SH3YL1: variants seen among roughly 807,000 people sequenced by gnomAD.
The protein encoded by SH3YL1 is SH3 domain-containing YSC84-like protein 1.
SH3YL1 carries 41 observed loss-of-function variants against 45.8 expected under a neutral mutation model. The ratio of observed to expected loss-of-function variants is 0.89; its 90% CI spans 0.70 to 1.16. SH3YL1 has a LOEUF of 1.16. Among genes scored for constraint, SH3YL1 ranks in the 50% most tolerant of loss-of-function variants. SH3YL1 has a pLI of 0.00. For missense variants in SH3YL1, 389 were observed against 409.6 expected, an observed-to-expected ratio of 0.95 and a Z score of 0.43; for synonymous variants, 152 against 151.4, an observed-to-expected ratio of 1.00 and a Z score of -0.03.
At chr2:264,160 G>A (rs1669737547), upstream of SH3YL1, 6 of 954,524 alleles carry the variant, frequency 6.3e-6, no homozygotes, top group Non-Finnish European at 8.6e-6. Flanking sequence ...CGCGCCCGCC[G>A]GGCCGCGCTC....
intron 4 of SH3YL1, chr2:242,966 A>G (rs993305164): frequency 1.1e-5 from 8 of 759,376 alleles, no homozygotes; most frequent in Middle Eastern, 2.7e-4. Flanking sequence ...TAACAATTAT[A>G]AACATAGTAA....
rs75904058 is a variant in SH3YL1, at chr2:225,258, C to T, written c.782-338G>A. Among the ~76,000 whole-genome samples the T allele has an allele frequency of 7.7e-3, 1,180 of 152,342 alleles. 7 individuals are homozygous for T. Among genetic ancestry groups the T allele is most frequent in the Non-Finnish European group, 0.013 (888 of 68,024 alleles). On this transcript the variant is annotated intron_variant, in intron 8 of 9. Transcript: ENST00000356150. Reference sequence around the variant, plus strand: ...AATCACTGATTCATGGAAGGATTTACACTGCATAAGAGCCATTCACTAACT... The same window carrying T: ...AATCACTGATTCATGGAAGGATTTATACTGCATAAGAGCCATTCACTAACT...
chr2:258,421 G>A (rs1229076026), intron 1 of SH3YL1, among the ~76,000 whole-genome samples: 2 of 152,170 alleles, frequency 1.3e-5, no homozygotes, highest in Admixed American at 6.5e-5. Flanking sequence ...TAAAATAGGT[G>A]TTTTAAATTG....
intron 1 of SH3YL1, among the ~76,000 whole-genome samples, chr2:255,330 G>T (rs926366261): frequency 3.3e-5 from 5 of 152,148 alleles, no homozygotes; most frequent in African/African-American, 1.2e-4. Context: ...AGTGAAAACT[G>T]GCTGGGTACT....
intron 6 of SH3YL1, 128 bp downstream of exon 6, chr2:232,973 G>A: frequency 1.5e-6 from 1 of 666,600 alleles, no homozygotes. Flanking sequence ...ATTTTTAAAT[G>A]TAAGATACAC....
At chr2:258,643 G>C (rs1302515830) in intron 1 of SH3YL1, among the ~76,000 whole-genome samples, 1 of 152,122 alleles carries the variant, frequency 6.6e-6, no homozygotes, top group Non-Finnish European at 1.5e-5. Flanking sequence ...TTGGCTTGTT[G>C]TTGTGTTCTG....
chr2:243,135 C>G (rs1318267442), intron 4 of SH3YL1, among the ~76,000 whole-genome samples: 1 of 152,082 alleles, frequency 6.6e-6, no homozygotes, highest in African/African-American at 2.4e-5. Context: ...ATAAGATTAT[C>G]AAGGATATGG....
At chr2:242,830 T>G (rs1163509145) in intron 4 of SH3YL1, 1 of 1,533,494 alleles carries the variant, frequency 6.5e-7, no homozygotes, top group Non-Finnish European at 8.8e-7. Flanking sequence ...TGGAGAAAGA[T>G]GTGTCATGCA....
At chr2:249,363 C>T (rs1209799131) in intron 3 of SH3YL1, among the ~76,000 whole-genome samples, 2 of 152,102 alleles carry the variant, frequency 1.3e-5, no homozygotes, top group East Asian at 3.8e-4. Context: ...TATCAATTTC[C>T]ATAAAACAAA....
intron 4 of SH3YL1, among the ~76,000 whole-genome samples, chr2:245,875 AT>A (rs1236516895): frequency 1.1e-3 from 168 of 152,226 alleles, no homozygotes; most frequent in African/African-American, 3.6e-3. Context: ...CTAAAAAAAA[AT>A]AAAAATAAAA....
chr2:248,434 T>TGATA (rs1668930911), intron 3 of SH3YL1, among the ~76,000 whole-genome samples: 1 of 152,196 alleles, frequency 6.6e-6, no homozygotes, highest in Admixed American at 6.5e-5. Context: ...TTTCGTTCCC[T>TGATA]ATGTTAGGAA....
chr2:239,024 T>C (rs982541491), intron 4 of SH3YL1, among the ~76,000 whole-genome samples: 3 of 152,200 alleles, frequency 2.0e-5, no homozygotes, highest in African/African-American at 4.8e-5. Context: ...CTTACACTTA[T>C]GCCCCTGGAA....
chr2:230,882 T>C lies in SH3YL1; in HGVS notation c.702+141A>G, dbSNP rs1668002668. The C allele has an allele frequency of 5.2e-6, 4 of 762,480 alleles. 1 individual carries two copies. The South Asian group carries it at 6.4e-5, about 12-fold the overall frequency. 47.2% of individuals were successfully genotyped at this position (762,480 alleles called of 1,614,324 possible). A position where few individuals can be genotyped will look rare whatever the true frequency, so the allele number is the denominator to read the frequency against. On this transcript the variant is annotated intron_variant, in intron 7 of 9. Transcript: ENST00000356150. ...GTACAGAGGAAATGTCAAGGTAGCA[T>C]GACCTTTTCACAAGAATGTGAAGTC... is the stretch of plus-strand genomic sequence containing the variant.
chr2:229,371 G>A (rs1384890032), intron 8 of SH3YL1, among the ~76,000 whole-genome samples: 1 of 152,130 alleles, frequency 6.6e-6, no homozygotes, highest in Non-Finnish European at 1.5e-5. Context: ...AACGGTTTTT[G>A]GAAGAAATGG....
chr2:234,201 G>C lies in SH3YL1; in HGVS notation c.363C>G (p.Thr121=). The C allele has an allele frequency of 1.2e-6, 2 of 1,614,012 alleles. No individual in the cohort carries two copies. Among genetic ancestry groups the C allele is most frequent in the Non-Finnish European group, 1.7e-6 (2 of 1,179,986 alleles). ...VEAFAKGGNL[T]LGGNLTVAVG... ...CCGCCACAGTCAAGTTCCCTCCGAGGGTCAGATTTCCGCCTTTTGCAAAAG... is the reference window on the plus strand; with the variant it reads ...CCGCCACAGTCAAGTTCCCTCCGAGCGTCAGATTTCCGCCTTTTGCAAAAG... The change falls in exon 5 of 10, where the codon ACC becomes ACG. Residue 121 remains threonine, a synonymous_variant. Transcript: ENST00000356150.
At chr2:243,521 G>C (rs1668637792) in intron 4 of SH3YL1, 1 of 1,541,744 alleles carries the variant, frequency 6.5e-7, no homozygotes, top group Admixed American at 2.0e-5. Context: ...ATGGAAGGCA[G>C]CCAGGGCAAT....
chr2:227,553 A>C (rs139837276), intron 8 of SH3YL1, among the ~76,000 whole-genome samples: 34 of 152,324 alleles, frequency 2.2e-4, no homozygotes, highest in African/African-American at 4.3e-4. Flanking sequence ...TGAGCAAAAC[A>C]AACCAACAAA....
chr2:228,004 G>A lies in SH3YL1; in HGVS notation c.781+1962C>T, dbSNP rs530784555. On this transcript the variant is annotated intron_variant, in intron 8 of 9. Transcript: ENST00000356150. ...CATAAAACATTAAAAGTAGTCACTA[G>A]TTTTAAATTTTTAGTTTACTGAATT... Among the ~76,000 whole-genome samples, 7 of 152,248 alleles carry A rather than the reference G, an allele frequency of 4.6e-5. No homozygotes were observed. The South Asian group carries it at 1.5e-3, about 32-fold the overall frequency.
chr2:253,018 A>G lies in SH3YL1; in HGVS notation c.99T>C (p.Asp33=). Residue 33 remains aspartate, a synonymous_variant, in exon 2 of 10, where the codon GAT becomes GAC. Transcript: ENST00000356150. ...CTATTTACCTACCAGGAATGATCTTATCAGGTCCATTTCTGGAAGTTATTT... is the reference window on the plus strand; with the variant it reads ...CTATTTACCTACCAGGAATGATCTTGTCAGGTCCATTTCTGGAAGTTATTT... ...FTEITSRNGP[D]KIIPAHVIAK... 1 of 1,538,208 alleles carries G rather than the reference A, an allele frequency of 6.5e-7. No homozygotes were observed. Among genetic ancestry groups the G allele is most frequent in the Non-Finnish European group, 8.8e-7 (1 of 1,135,432 alleles).
Sources: allele counts gnomAD v4.1 joint callset (sites outside exome capture counted in the v4.1 genomes callset), GRCh38; gene constraint gnomAD v4.1.1; transcripts MANE v1.5; gene names NCBI Gene and HGNC (gene_info 2026-07-23, HGNC 2026-07-21).